Variants in TDRD1 observed in about 807,000 individuals in gnomAD.
TDRD1 encodes the protein tudor domain-containing protein 1.
A neutral mutation model predicts 140.6 loss-of-function variants in TDRD1; 37 were observed. That is an observed-to-expected ratio of 0.26 (90% CI 0.20 to 0.35). The LOEUF is 0.35. Ranked by LOEUF, TDRD1 falls within the 10% of genes least tolerant of loss-of-function variation. The probability of loss-of-function intolerance (pLI) is 1.00; values close to 1 mark genes in which losing one functional copy is unlikely to be tolerated. For synonymous variants in TDRD1, 506 were observed against 475.7 expected, an observed-to-expected ratio of 1.06 and a Z score of -0.83; for missense variants, 1,243 against 1,393.0, an observed-to-expected ratio of 0.89 and a Z score of 1.71.
chr10:114,211,056 G>T (rs2035451467), intron 13 of TDRD1, 89 bp downstream of exon 13: 10 of 991,542 alleles, frequency 1.0e-5, no homozygotes, highest in Non-Finnish European at 8.8e-6. Flanking sequence ...CAGAGTCTTT[G>T]GTTTGCACTG....
At chr10:114,188,182 C>A in intron 2 of TDRD1, 26 bp downstream of exon 2, 2 of 1,533,708 alleles carry the variant, frequency 1.3e-6, no homozygotes, top group South Asian at 2.6e-5. Context: ...AGGCTTCCTA[C>A]TTCTTCATTC....
intron 13 of TDRD1, among the ~76,000 whole-genome samples, chr10:114,211,434 G>C (rs1418016037): frequency 6.6e-6 from 1 of 152,190 alleles, no homozygotes; most frequent in African/African-American, 2.4e-5. Flanking sequence ...AGAGAGGCCC[G>C]GTGGCCTCAT....
upstream of TDRD1, among the ~76,000 whole-genome samples, chr10:114,176,990 G>A (rs554867094): frequency 1.3e-5 from 2 of 152,212 alleles, no homozygotes; most frequent in Admixed American, 6.5e-5. This position sits in a 1 kb window ranked among gnomAD's most constrained non-coding sequence, Gnocchi z 4.2. Context: ...GATAGTATGT[G>A]AAGGAACAGA....
intron 2 of TDRD1, among the ~76,000 whole-genome samples, chr10:114,188,615 T>C (rs1476828272): frequency 6.6e-6 from 1 of 152,142 alleles, no homozygotes; most frequent in Non-Finnish European, 1.5e-5. Context: ...TCCTAGCACT[T>C]TGGGAGGCCG....
At chr10:114,179,047 G>A (rs1339961661), upstream of TDRD1, among the ~76,000 whole-genome samples, 1 of 152,180 alleles carries the variant, frequency 6.6e-6, no homozygotes, top group East Asian at 1.9e-4. Context: ...AAGTGGCCAC[G>A]GTGACCCAAG....
intron 1 of TDRD1, among the ~76,000 whole-genome samples, chr10:114,186,289 A>G (rs1589655597): frequency 6.6e-6 from 1 of 152,056 alleles, no homozygotes; most frequent in South Asian, 2.1e-4. Context: ...TTTGAGATGG[A>G]GTCTCGCTGT....
chr10:114,228,741 G>T, intron 25 of TDRD1: 1 of 985,388 alleles, frequency 1.0e-6, no homozygotes, highest in Non-Finnish European at 1.2e-6. Flanking sequence ...GGGATCCTTT[G>T]TTGTAAGATG....
At chr10:114,217,497 T>C in intron 16 of TDRD1, 48 bp from the exon 17 acceptor site, 1 of 1,071,428 alleles carries the variant, frequency 9.3e-7, no homozygotes. Context: ...TCTGTGTTGT[T>C]TATTTTTTAA....
At chr10:114,182,072 A>G (rs1035169146) in intron 1 of TDRD1, among the ~76,000 whole-genome samples, 1 of 152,192 alleles carries the variant, frequency 6.6e-6, no homozygotes, top group Non-Finnish European at 1.5e-5. Flanking sequence ...CCAAAAGTTA[A>G]TGCATAAATG....
intron 20 of TDRD1, among the ~76,000 whole-genome samples, chr10:114,222,074 C>G (rs1166495700): frequency 1.3e-5 from 2 of 152,086 alleles, no homozygotes; most frequent in African/African-American, 4.8e-5. Context: ...ACTTTTGTTT[C>G]AAATTTTCAA....
chr10:114,201,210 G>A (rs1234634213), intron 4 of TDRD1, among the ~76,000 whole-genome samples, 200 bp from the exon 5 acceptor site: 2 of 152,022 alleles, frequency 1.3e-5, no homozygotes, highest in African/African-American at 4.8e-5. Flanking sequence ...TCAGTTATGT[G>A]TCCCAGTCTG....
intron 3 of TDRD1, among the ~76,000 whole-genome samples, chr10:114,193,407 C>T (rs960737398): frequency 7.9e-5 from 12 of 151,400 alleles, no homozygotes; most frequent in Non-Finnish European, 7.4e-5. Context: ...ATTCTCCTGC[C>T]TCAGCCTCCC....
intron 1 of TDRD1, among the ~76,000 whole-genome samples, chr10:114,185,940 T>G (rs145530089): frequency 3.9e-4 from 59 of 152,322 alleles, no homozygotes; most frequent in African/African-American, 1.3e-3. Flanking sequence ...GTCCTTTTAC[T>G]TGGAACCTTA....
chr10:114,220,764 T>C, exon 19 of TDRD1: 1 of 1,611,818 alleles, frequency 6.2e-7, no homozygotes, highest in South Asian at 1.1e-5. Context: ...TTTTAAAATC[T>C]GCTTCACCAC....
At chr10:114,218,027 A>G (rs2035922209) in intron 17 of TDRD1, among the ~76,000 whole-genome samples, 1 of 152,334 alleles carries the variant, frequency 6.6e-6, no homozygotes, top group East Asian at 1.9e-4. Flanking sequence ...TTTACTATTT[A>G]CTACTTAAAT....
At position 114,228,242 on chromosome 10, in the gene TDRD1, G is replaced by A. The variant is rs563757024; in HGVS notation, c.3538+117G>A. The A allele has an allele frequency of 2.5e-4, 365 of 1,441,504 alleles. No homozygotes were observed. The African/African-American group carries it at 4.5e-3, about 18-fold the overall frequency. The allele number at this position is 1,441,504 out of a possible 1,614,324, so 89.3% of individuals were successfully genotyped here. ...AAACCTATTGTAAGGCTGTACTTTC[G>A]TGATTTAATGACCTGAGGTTTGGTC... On this transcript the variant is annotated intron_variant, in intron 25 of 25. Coordinates refer to ENST00000251864, the Ensembl canonical transcript of TDRD1.
chr10:114,186,079 A>C (rs1394587776), intron 1 of TDRD1, among the ~76,000 whole-genome samples: 2 of 152,050 alleles, frequency 1.3e-5, no homozygotes, highest in African/African-American at 4.8e-5. Context: ...CTGTGATCTT[A>C]CTTGATGTTT....
At position 114,220,002 on chromosome 10, in the gene TDRD1, C is replaced by T. The variant is rs148706083; in HGVS notation, c.2495-566C>T. 7.8e-3 allele frequency among the ~76,000 whole-genome samples: 1,185 copies of T among 152,280 alleles called. 8 individuals carry two copies. Among genetic ancestry groups the T allele is most frequent in the Non-Finnish European group, 0.012 (831 of 68,016 alleles). On this transcript the variant is annotated intron_variant, in intron 18 of 25. Coordinates refer to ENST00000251864, the Ensembl canonical transcript of TDRD1. ...GTTAATAACTGCAGATTTTCAGCCC[C>T]CACCCAAGACCCAGACCTACCAAAA... is the stretch of plus-strand genomic sequence containing the variant.
intron 22 of TDRD1, 122 bp from the exon 23 acceptor site, chr10:114,226,950 A>C: frequency 1.6e-6 from 1 of 621,344 alleles, no homozygotes; most frequent in Middle Eastern, 4.5e-4. Context: ...GCAGTAGTAC[A>C]TCAGAACACA....
Sources: allele counts gnomAD v4.1 joint callset (sites outside exome capture counted in the v4.1 genomes callset), GRCh38; gene constraint gnomAD v4.1.1; non-coding constraint Gnocchi (gnomAD v3.1); transcripts MANE v1.5; gene names NCBI Gene and HGNC (gene_info 2026-07-23, HGNC 2026-07-21).